ARHGAP20: variants seen among roughly 807,000 people sequenced by gnomAD.
The protein encoded by ARHGAP20 is rho GTPase-activating protein 20.
ARHGAP20 carries 34 observed loss-of-function variants against 73.7 expected under a neutral mutation model. The ratio of observed to expected loss-of-function variants is 0.46; its 90% CI spans 0.35 to 0.61. ARHGAP20 has a LOEUF of 0.61. ARHGAP20 is among the 20% of genes least tolerant of loss of function. ARHGAP20 has a pLI of 0.00. For missense variants in ARHGAP20, 1,314 were observed against 1,420.9 expected, an observed-to-expected ratio of 0.92 and a Z score of 1.21; for synonymous variants, 523 against 518.2, an observed-to-expected ratio of 1.01 and a Z score of -0.13.
At chr11:110,650,907 G>A (rs1197282493) in intron 2 of ARHGAP20, among the ~76,000 whole-genome samples, 1 of 152,082 alleles carries the variant, frequency 6.6e-6, no homozygotes, top group Non-Finnish European at 1.5e-5. Context: ...CCTGATGCGA[G>A]GACAAATCTT....
intron 9 of ARHGAP20, among the ~76,000 whole-genome samples, chr11:110,604,438 C>A (rs1948177017): frequency 1.3e-5 from 2 of 152,026 alleles, no homozygotes; most frequent in Admixed American, 1.3e-4. Context: ...AAGTCATTAG[C>A]AAAACTGGTT....
intron 2 of ARHGAP20, among the ~76,000 whole-genome samples, chr11:110,666,667 C>T (rs573659437): frequency 6.6e-5 from 10 of 152,276 alleles, no homozygotes; most frequent in African/African-American, 2.2e-4. Flanking sequence ...TTTTTTCCAA[C>T]AGCATATGAT....
intron 2 of ARHGAP20, among the ~76,000 whole-genome samples, chr11:110,661,603 CTTA>C (rs958841417): frequency 1.3e-5 from 2 of 152,010 alleles, no homozygotes; most frequent in African/African-American, 2.4e-5. Flanking sequence ...CTGATGAATT[CTTA>C]TTTTTATATC....
At position 110,580,363 on chromosome 11, in the gene ARHGAP20, C is replaced by CAA; in HGVS notation, c.2582_2583insTT (p.Arg861SerfsTer44). 1 of 1,614,188 alleles carries CAA rather than the reference C, an allele frequency of 6.2e-7. No homozygotes were observed. Among genetic ancestry groups the CAA allele is most frequent in the Non-Finnish European group, 8.5e-7 (1 of 1,180,032 alleles). ...TATGTTGTTTCTTTGAATAAATTCC[C>CAA]CTGAGATAGGTCAGCTTGCGGTTCT... On this transcript the variant is annotated frameshift_variant, in exon 15 of 15. Coordinates refer to ENST00000683387, the MANE Select transcript of ARHGAP20 (RefSeq NM_001384657.1). LOFTEE classifies it low-confidence loss of function (END_TRUNC).
chr11:110,582,241 A>G, intron 14 of ARHGAP20, 80 bp downstream of exon 14: 1 of 1,199,582 alleles, frequency 8.3e-7, no homozygotes, highest in Non-Finnish European at 1.2e-6. Context: ...TGTGGGCTCC[A>G]GGAAAACCCC....
chr11:110,651,662 C>A (rs1949356771), intron 2 of ARHGAP20, among the ~76,000 whole-genome samples: 1 of 151,092 alleles, frequency 6.6e-6, no homozygotes. Flanking sequence ...TACACCCACC[C>A]AAGACTGAAC....
rs114198408 is a variant in ARHGAP20, at chr11:110,674,758, C to G, written c.188+15789G>C. 7.3e-3 allele frequency among the ~76,000 whole-genome samples: 1,104 copies of G among 152,192 alleles called. 4 individuals carry two copies. The highest frequency in any genetic ancestry group is 0.021 in the South Asian group (101 of 4,808). The stretch of plus-strand genomic sequence containing the variant: ...ATCAATACTAATATGTTGTTCTACA[C>G]CTCAAAACTCACCATGTTCAAAACT... On this transcript the variant is annotated intron_variant, in intron 2 of 14. Coordinates refer to ENST00000683387, the MANE Select transcript of ARHGAP20 (RefSeq NM_001384657.1).
At chr11:110,709,392 A>T (rs1335387449) in intron 1 of ARHGAP20, among the ~76,000 whole-genome samples, 1 of 152,242 alleles carries the variant, frequency 6.6e-6, no homozygotes, top group Non-Finnish European at 1.5e-5. Context: ...TAAGCAATAC[A>T]GATAAGGTCC....
intron 1 of ARHGAP20, among the ~76,000 whole-genome samples, chr11:110,707,193 TCC>T (rs1950565790): frequency 2.0e-5 from 3 of 152,090 alleles, no homozygotes; most frequent in African/African-American, 7.2e-5. Flanking sequence ...TTTCCCCCAT[TCC>T]AACACTCATC....
chr11:110,693,925 T>A (rs1269399083), intron 1 of ARHGAP20, among the ~76,000 whole-genome samples: 1 of 151,850 alleles, frequency 6.6e-6, no homozygotes, highest in Non-Finnish European at 1.5e-5. Context: ...TAGTATATAT[T>A]TTCTGTTGTA....
intron 3 of ARHGAP20, among the ~76,000 whole-genome samples, chr11:110,629,631 T>TA (rs1221074357): frequency 6.6e-6 from 1 of 152,182 alleles, no homozygotes; most frequent in Non-Finnish European, 1.5e-5. Context: ...GTCTTTAATT[T>TA]AAAAAAATGT....
chr11:110,590,893 G>T, intron 10 of ARHGAP20, 84 bp from the exon 11 acceptor site: 1 of 1,377,746 alleles, frequency 7.3e-7, no homozygotes. Context: ...GGATGCCAGA[G>T]GCTAGGGTGC....
At chr11:110,692,567 A>G (rs925735148) in intron 1 of ARHGAP20, among the ~76,000 whole-genome samples, 1 of 152,128 alleles carries the variant, frequency 6.6e-6, no homozygotes, top group Non-Finnish European at 1.5e-5. Flanking sequence ...AATCACTGTC[A>G]GCAGATCCAA....
chr11:110,582,523 A>G (rs1393746097), intron 13 of ARHGAP20, 88 bp from the exon 14 acceptor site: 1 of 865,710 alleles, frequency 1.2e-6, no homozygotes, highest in African/African-American at 1.7e-5. Context: ...TTTTTAACAA[A>G]AACCACATCT....
intron 9 of ARHGAP20, among the ~76,000 whole-genome samples, chr11:110,606,192 TG>T (rs1468066824): frequency 3.3e-5 from 5 of 152,212 alleles, no homozygotes; most frequent in Admixed American, 2.0e-4. Flanking sequence ...CACCCATCAT[TG>T]ACAGCCTCCT....
chr11:110,668,593 G>A (rs1591159510), intron 2 of ARHGAP20, among the ~76,000 whole-genome samples: 2 of 151,874 alleles, frequency 1.3e-5, no homozygotes, highest in South Asian at 4.1e-4. Context: ...AGGATGCAGT[G>A]AACCAAGATC....
chr11:110,599,575 A>G (rs569599550), intron 9 of ARHGAP20, among the ~76,000 whole-genome samples: 10 of 152,314 alleles, frequency 6.6e-5, no homozygotes, highest in African/African-American at 2.4e-4. Context: ...CTTTTAGGCC[A>G]GGGAGGGCCT....
At chr11:110,640,803 T>C (rs1273002917) in intron 2 of ARHGAP20, among the ~76,000 whole-genome samples, 1 of 151,878 alleles carries the variant, frequency 6.6e-6, no homozygotes, top group African/African-American at 2.4e-5. Context: ...ACCTAATGTA[T>C]ATGACGAGTT....
At chr11:110,661,212 A>G (rs977559574) in intron 2 of ARHGAP20, among the ~76,000 whole-genome samples, 1 of 152,222 alleles carries the variant, frequency 6.6e-6, no homozygotes, top group Admixed American at 6.6e-5. Context: ...AAGAGGAATT[A>G]GTCTATTTCA....
Sources: gnomAD v4.1 joint callset for allele counts (sites outside exome capture counted in the v4.1 genomes callset) on GRCh38, gnomAD v4.1.1 for gene constraint, MANE v1.5 for transcripts, NCBI Gene and HGNC (gene_info 2026-07-23, HGNC 2026-07-21) for gene names.